Variants in TENM4 observed in about 807,000 individuals in gnomAD.
The protein encoded by TENM4 is teneurin-4.
A neutral mutation model predicts 243.3 loss-of-function variants in TENM4; 82 were observed. The ratio of observed to expected loss-of-function variants is 0.34; its 90% CI spans 0.28 to 0.40. TENM4 has a LOEUF of 0.40. Ranked by LOEUF, TENM4 falls within the 10% of genes least tolerant of loss-of-function variation. TENM4 has a pLI of 1.00. For synonymous variants in TENM4, 1,412 were observed against 1,456.3 expected, an observed-to-expected ratio of 0.97 and a Z score of 0.69; for missense variants, 3,138 against 3,673.3, an observed-to-expected ratio of 0.85 and a Z score of 3.77.
intron 1 of TENM4, among the ~76,000 whole-genome samples, chr11:79,338,817 A>T (rs1216050262): frequency 6.6e-6 from 1 of 152,180 alleles, no homozygotes; most frequent in Non-Finnish European, 1.5e-5. Flanking sequence ...AGTCACACTC[A>T]CGGAGCCTCA....
intron 1 of TENM4, among the ~76,000 whole-genome samples, chr11:79,363,085 T>C (rs1857618679): frequency 6.6e-6 from 1 of 152,218 alleles, no homozygotes; most frequent in Non-Finnish European, 1.5e-5. Context: ...GCTAGTACAG[T>C]TGCTTTTTTC....
intron 19 of TENM4, among the ~76,000 whole-genome samples, chr11:78,739,202 T>C (rs1855867196): frequency 6.6e-6 from 1 of 152,142 alleles, no homozygotes; most frequent in Non-Finnish European, 1.5e-5. Context: ...CTCCCACTCT[T>C]ACTCTATATT....
At chr11:79,306,211 G>C (rs894063246) in intron 1 of TENM4, among the ~76,000 whole-genome samples, 2 of 152,188 alleles carry the variant, frequency 1.3e-5, no homozygotes, top group African/African-American at 4.8e-5. Flanking sequence ...CAAGGCACAC[G>C]AGCTTTATGG....
intron 1 of TENM4, among the ~76,000 whole-genome samples, chr11:79,359,024 T>C (rs561332890): frequency 6.6e-6 from 1 of 151,962 alleles, no homozygotes; most frequent in African/African-American, 2.4e-5. Flanking sequence ...CTCAGCACTT[T>C]GGGAGGCTGA....
chr11:78,663,795 G>A (rs1181992256), intron 32 of TENM4, among the ~76,000 whole-genome samples: 1 of 152,164 alleles, frequency 6.6e-6, no homozygotes, highest in Non-Finnish European at 1.5e-5. Flanking sequence ...CACCCACTGA[G>A]TTCATCCTAC....
chr11:79,064,410 G>C (rs1332932114), intron 6 of TENM4, among the ~76,000 whole-genome samples: 1 of 152,178 alleles, frequency 6.6e-6, no homozygotes, highest in Non-Finnish European at 1.5e-5. Flanking sequence ...TTGCTGATTT[G>C]ATGGAGGATA....
intron 19 of TENM4, among the ~76,000 whole-genome samples, chr11:78,740,608 T>C (rs985475177): frequency 2.0e-5 from 3 of 152,252 alleles, no homozygotes; most frequent in Non-Finnish European, 4.4e-5. Flanking sequence ...TTTTCTTTAA[T>C]GGAGGACAAT....
intron 9 of TENM4, among the ~76,000 whole-genome samples, chr11:78,884,928 T>C (rs533339929): frequency 3.9e-5 from 6 of 152,196 alleles, no homozygotes; most frequent in Admixed American, 2.6e-4. Flanking sequence ...TGTTAGGAGA[T>C]TTCAGTGAGG....
intron 15 of TENM4, among the ~76,000 whole-genome samples, chr11:78,799,157 G>A (rs568959895): frequency 1.3e-5 from 2 of 152,294 alleles, no homozygotes; most frequent in South Asian, 2.1e-4. Flanking sequence ...ATGCTGAGAG[G>A]AGGCTGACCC....
chr11:79,039,430 A>C (rs1859464380), intron 6 of TENM4, among the ~76,000 whole-genome samples: 1 of 152,222 alleles, frequency 6.6e-6, no homozygotes, highest in Non-Finnish European at 1.5e-5. Flanking sequence ...ACGCAGAAAG[A>C]AGCCAGTTTT....
chr11:79,437,037 G>T (rs1450184633), intron 1 of TENM4, among the ~76,000 whole-genome samples: 2 of 152,132 alleles, frequency 1.3e-5, no homozygotes, highest in East Asian at 3.9e-4. Flanking sequence ...AAGGACCTAC[G>T]GCACACAGGT....
intron 9 of TENM4, among the ~76,000 whole-genome samples, chr11:78,889,338 A>G (rs548874560): frequency 6.6e-4 from 101 of 152,250 alleles, no homozygotes; most frequent in Non-Finnish European, 1.2e-3. Flanking sequence ...GTTTCCCTCC[A>G]AGCCCAGGGT....
Position 78,670,228 on chromosome 11 carries a change from G to A in TENM4, c.6117C>T (p.Gly2039=). Residue 2039 remains glycine, a synonymous_variant, in exon 32 of 34, where the codon GGC becomes GGT. Transcript: ENST00000278550. ...TCTGTAGGTTGATGGTCTTCAGCAT[G>A]CCTGCCGTCTCGTCATAGGTGAAAC... ...KVSFTYDETA[G]MLKTINLQNE... 1.2e-6 allele frequency: 2 copies of A among 1,613,954 alleles called. No homozygotes were observed. The highest frequency in any genetic ancestry group is 1.7e-6 in the Non-Finnish European group (2 of 1,179,880).
chr11:79,259,911 C>T (rs1310697061), intron 2 of TENM4, among the ~76,000 whole-genome samples: 1 of 152,182 alleles, frequency 6.6e-6, no homozygotes. Context: ...GGGCTCTGAG[C>T]ATCTTATTAT....
rs56973257 is a variant in TENM4 at position 78,942,259 on chromosome 11, CAAAAAAAAAAAAAAAAAAA to C, written c.494-38755_494-38737del. ...TGAAACCCATCTCTACAAAATACAC[CAAAAAAAAAAAAAAAAAAA>C]AAAAAAAAAAAAAAAAAAAAAAGCT... is the stretch of plus-strand genomic sequence containing the variant. On this transcript the variant is annotated intron_variant, in intron 6 of 33. Transcript: ENST00000278550. Among the ~76,000 whole-genome samples, 112 of 11,208 alleles carry C rather than the reference CAAAAAAAAAAAAAAAAAAA, an allele frequency of 1.0e-2. 1 individual carries two copies. Among genetic ancestry groups the C allele is most frequent in the Non-Finnish European group, 0.015 (87 of 5,964 alleles). 7.4% of individuals were successfully genotyped at this position (11,208 alleles called of 152,430 possible). A position where few individuals can be genotyped will look rare whatever the true frequency, so the allele number is the denominator to read the frequency against.
intron 3 of TENM4, among the ~76,000 whole-genome samples, chr11:79,158,498 G>A (rs1311513917): frequency 6.6e-6 from 1 of 152,136 alleles, no homozygotes; most frequent in East Asian, 1.9e-4. Flanking sequence ...CACAACCCTT[G>A]CATTGGTGCA....
At chr11:79,317,894 G>A (rs1856828460) in intron 1 of TENM4, among the ~76,000 whole-genome samples, 1 of 152,154 alleles carries the variant, frequency 6.6e-6, no homozygotes, top group Non-Finnish European at 1.5e-5. Context: ...CTGAGGAATT[G>A]TCCTGTGTGG....
intron 12 of TENM4, among the ~76,000 whole-genome samples, chr11:78,815,224 A>G (rs1857580710): frequency 6.6e-6 from 1 of 152,074 alleles, no homozygotes. Flanking sequence ...CATCTCTACT[A>G]AAAATACAAA....
At chr11:78,887,992 G>C (rs1420406967) in intron 9 of TENM4, among the ~76,000 whole-genome samples, 2 of 152,226 alleles carry the variant, frequency 1.3e-5, no homozygotes, top group African/African-American at 4.8e-5. Context: ...AGCTGTGCCA[G>C]TGGTTGGTGG....
Sources: allele counts gnomAD v4.1 joint callset (sites outside exome capture counted in the v4.1 genomes callset), GRCh38; gene constraint gnomAD v4.1.1; transcripts MANE v1.5; gene names NCBI Gene and HGNC (gene_info 2026-07-23, HGNC 2026-07-21).